Variants in ZNF564 observed in about 807,000 individuals in gnomAD.
ZNF564 encodes the protein zinc finger protein 564.
Under a neutral mutation model 10.5 loss-of-function variants are expected in ZNF564, and 5 were observed. That is an observed-to-expected ratio of 0.48 (90% confidence interval 0.25 to 1.00). ZNF564 has a LOEUF of 1.00. Ranked by LOEUF, ZNF564 falls within the 50% of genes least tolerant of loss-of-function variation. The pLI is 0.16. For synonymous variants in ZNF564, 242 were observed against 218.1 expected, an observed-to-expected ratio of 1.11 and a Z score of -0.97; for missense variants, 603 against 669.7, an observed-to-expected ratio of 0.90 and a Z score of 1.10.
At chr19:12,542,014 CAA>C (rs74180077) in intron 1 of ZNF564, among the ~76,000 whole-genome samples, 2 of 56,260 alleles carry the variant, frequency 3.6e-5, no homozygotes. Context: ...AGACTCTGTC[CAA>C]AAAAAAAAAA....
At chr19:12,549,498 G>A (rs955486719) in intron 1 of ZNF564, among the ~76,000 whole-genome samples, 1 of 152,122 alleles carries the variant, frequency 6.6e-6, no homozygotes, top group Non-Finnish European at 1.5e-5. Flanking sequence ...CATTTCAATG[G>A]GGCAGGTTTT....
chr19:12,533,563 C>T (rs59656482), intron 1 of ZNF564, among the ~76,000 whole-genome samples: 1 of 151,786 alleles, frequency 6.6e-6, no homozygotes, highest in Non-Finnish European at 1.5e-5. Flanking sequence ...CTCGTCTCTA[C>T]TAAAAATACA....
At chr19:12,531,054 A>AT (rs1202668613) in intron 1 of ZNF564, among the ~76,000 whole-genome samples, 1 of 152,092 alleles carries the variant, frequency 6.6e-6, no homozygotes. Context: ...GGCTGGAAAG[A>AT]TGGGTTCTGA....
intron 1 of ZNF564, among the ~76,000 whole-genome samples, chr19:12,543,972 G>C (rs2022107337): frequency 6.6e-6 from 1 of 152,126 alleles, no homozygotes; most frequent in African/African-American, 2.4e-5. Flanking sequence ...GATATAATGA[G>C]AGATGATGAT....
chr19:12,532,671 A>C (rs1030057963), intron 1 of ZNF564, among the ~76,000 whole-genome samples: 3 of 151,658 alleles, frequency 2.0e-5, no homozygotes, highest in African/African-American at 4.8e-5. Context: ...GCAAAGAGCT[A>C]TATGATCACA....
intron 1 of ZNF564, among the ~76,000 whole-genome samples, chr19:12,544,230 C>G (rs754837522): frequency 1.3e-5 from 2 of 152,144 alleles, no homozygotes; most frequent in Non-Finnish European, 2.9e-5. Flanking sequence ...ATGGGAAATT[C>G]TGAAACCAGG....
At position 12,527,716 on chromosome 19, in the gene ZNF564, T is replaced by C. The variant is rs1180809377; in HGVS notation, c.392A>G (p.Tyr131Cys). 1.9e-6 allele frequency: 3 copies of C among 1,614,060 alleles called. No individual in the cohort carries two copies. The highest frequency in any genetic ancestry group is 1.3e-5 in the African/African-American group (1 of 74,948). ...TTTCTCTCCATATTCCTGATAGTCATATGGTTTGTGTCCAAGGTGAGATCT... is the reference window on the plus strand; with the variant it reads ...TTTCTCTCCATATTCCTGATAGTCACATGGTTTGTGTCCAAGGTGAGATCT... ...HIRSHLGHKP[Y>C]DYQEYGEKPY... The change falls in exon 4 of 4, where the codon TAT becomes TGT. Residue 131 changes from tyrosine to cysteine, a missense_variant. Tyr to Cys is a radical substitution (Grantham distance 194). Transcript: ENST00000339282.
Position 12,527,552 on chromosome 19 carries a change from T to C in ZNF564, c.556A>G (p.Arg186Gly). Residue 186 changes from arginine (R) to glycine (G), a missense_variant, in exon 4 of 4, where the codon AGA becomes GGA. Arg to Gly is a moderately radical substitution (Grantham distance 125). Transcript: ENST00000339282. The part of the protein sequence containing the change: ...KAFISLPSVR[R>G]HMIKHTGDGP... ...TCTCCAGTGTGCTTAATCATGTGTC[T>C]TCGAACACTTGGGAGAGAAATGAAG... 1 of 1,614,182 alleles carries C rather than the reference T, an allele frequency of 6.2e-7. No homozygotes were observed. Among genetic ancestry groups the C allele is most frequent in the African/African-American group, 1.3e-5 (1 of 75,050 alleles).
At chr19:12,548,494 C>A (rs1429003985) in intron 1 of ZNF564, among the ~76,000 whole-genome samples, 1 of 152,148 alleles carries the variant, frequency 6.6e-6, no homozygotes, top group Non-Finnish European at 1.5e-5. Context: ...GGATTAAAGG[C>A]GTGAGCCACC....
At chr19:12,531,247 G>C (rs2021793840) in intron 1 of ZNF564, among the ~76,000 whole-genome samples, 1 of 151,964 alleles carries the variant, frequency 6.6e-6, no homozygotes, top group African/African-American at 2.4e-5. Flanking sequence ...CCTTTAACAA[G>C]AATTCTGAAT....
At chr19:12,547,241 A>G (rs1049396194) in intron 1 of ZNF564, among the ~76,000 whole-genome samples, 1 of 152,068 alleles carries the variant, frequency 6.6e-6, no homozygotes, top group Non-Finnish European at 1.5e-5. Flanking sequence ...AATTTTGTAG[A>G]GAGATGGTCT....
In ZNF564 at chr19:12,526,412, TTAGATATGTAGATACTTG is replaced by T; in HGVS notation, c.*16_*33del. ...GCAAACTGAAGACTTTCCATATTCTTTAGATATGTAGATACTTGTAGACCTGTCCTCCACTATTCATTT... is the reference window on the plus strand; with the variant it reads ...GCAAACTGAAGACTTTCCATATTCTTTAGACCTGTCCTCCACTATTCATTT... On this transcript the variant is annotated 3_prime_UTR_variant, in exon 4 of 4. Coordinates refer to ENST00000339282, the MANE Select transcript of ZNF564 (RefSeq NM_144976.4). 6.6e-7 allele frequency: 1 copy of T among 1,523,808 alleles called. No individual in the cohort carries two copies. The highest frequency in any genetic ancestry group is 8.8e-7 in the Non-Finnish European group (1 of 1,139,788). The allele number at this position is 1,523,808 out of a possible 1,614,324, so 94.4% of individuals were successfully genotyped here.
chr19:12,528,157 A>T, intron 3 of ZNF564, 147 bp downstream of exon 3: 1 of 866,846 alleles, frequency 1.2e-6, no homozygotes. Flanking sequence ...GCAACACTGA[A>T]CATCTATGCC....
intron 1 of ZNF564, among the ~76,000 whole-genome samples, chr19:12,539,826 G>T (rs934647825): frequency 6.7e-6 from 1 of 149,770 alleles, no homozygotes. Flanking sequence ...CTACAAAAAA[G>T]AAAAATTAGC....
At chr19:12,537,512 G>A (rs1234081650) in intron 1 of ZNF564, among the ~76,000 whole-genome samples, 1 of 152,126 alleles carries the variant, frequency 6.6e-6, no homozygotes, top group East Asian at 1.9e-4. Context: ...GTCGAGGGGG[G>A]CGGATCACCT....
chr19:12,542,761 T>C (rs1243960836), intron 1 of ZNF564, among the ~76,000 whole-genome samples: 2 of 152,074 alleles, frequency 1.3e-5, no homozygotes, highest in Non-Finnish European at 2.9e-5. Flanking sequence ...CCCAGCACTT[T>C]GGGAGGCCGA....
intron 1 of ZNF564, among the ~76,000 whole-genome samples, chr19:12,534,398 A>G (rs1397021634): frequency 6.6e-6 from 1 of 152,252 alleles, no homozygotes; most frequent in Non-Finnish European, 1.5e-5. Flanking sequence ...AATGGCTAAA[A>G]TTTAAAACAC....
In ZNF564 at chr19:12,540,133, C is replaced by T. The variant is rs115786230; in HGVS notation, c.3+11197G>A. ...GGTTGAGTACACAGGTTAAGAAAAG[C>T]AAGGAAATTATCTTATAATCTATAA... On this transcript the variant is annotated intron_variant, in intron 1 of 3. Coordinates refer to ENST00000339282, the MANE Select transcript of ZNF564 (RefSeq NM_144976.4). Among the ~76,000 whole-genome samples, 781 of 152,072 alleles carry T rather than the reference C, an allele frequency of 5.1e-3. 7 individuals carry two copies. Among genetic ancestry groups the T allele is most frequent in the African/African-American group, 0.018 (747 of 41,500 alleles).
chr19:12,549,132 G>A (rs1042019515), intron 1 of ZNF564, among the ~76,000 whole-genome samples: 4 of 152,144 alleles, frequency 2.6e-5, no homozygotes, highest in South Asian at 2.1e-4. Context: ...CTAGATAATT[G>A]TTTTCCCTCA....
Sources: gnomAD v4.1 joint callset for allele counts (sites outside exome capture counted in the v4.1 genomes callset) on GRCh38, gnomAD v4.1.1 for gene constraint, MANE v1.5 for transcripts, NCBI Gene and HGNC (gene_info 2026-07-23, HGNC 2026-07-21) for gene names.